Variants in PDE9A observed in about 807,000 individuals in gnomAD.
PDE9A encodes the protein high affinity cGMP-specific 3',5'-cyclic phosphodiesterase 9A.
Under a neutral mutation model 87.4 loss-of-function variants are expected in PDE9A, and 60 were observed. The ratio of observed to expected loss-of-function variants is 0.69; its 90% CI spans 0.56 to 0.85. The LOEUF (loss-of-function observed/expected upper bound fraction) is 0.85. Among genes scored for constraint, PDE9A ranks in the 40% least tolerant of loss-of-function variants. The pLI is 0.00. For missense variants in PDE9A, 665 were observed against 779.0 expected (o/e 0.85, Z 1.74); for synonymous variants, 272 against 279.4 (o/e 0.97, Z 0.27).
chr21:42,660,780 G>T lies in PDE9A; in HGVS notation c.69+6897G>T, dbSNP rs558872622. Among the ~76,000 whole-genome samples, 1 of 152,236 alleles carries T rather than the reference G, an allele frequency of 6.6e-6. No homozygotes were observed. The highest frequency in any genetic ancestry group is 2.1e-4 in the South Asian group (1 of 4,810). On this transcript the variant is annotated intron_variant, in intron 1 of 19. Transcript: ENST00000291539. This position sits in a 1 kb window ranked among gnomAD's most constrained non-coding sequence, Gnocchi z 4.7. ...GACGCCCAGTGCACTCAGCCACCCA[G>T]GGGTGGCTCCCAACATTTTCAAGCT...
chr21:42,731,992 G>C (rs373627558), intron 5 of PDE9A, 43 bp downstream of exon 5: 1 of 1,611,754 alleles, frequency 6.2e-7, no homozygotes, highest in Non-Finnish European at 8.5e-7. Flanking sequence ...CCCCCAACAC[G>C]TGGGATTCGG....
chr21:42,666,978 C>G (rs914600154), intron 1 of PDE9A, among the ~76,000 whole-genome samples: 2 of 152,326 alleles, frequency 1.3e-5, no homozygotes, highest in Non-Finnish European at 1.5e-5. Context: ...TGGTGACCGC[C>G]GACTCGCCCT....
At chr21:42,690,025 G>A (rs4305355) in intron 3 of PDE9A, 6 of 966,458 alleles carry the variant, frequency 6.2e-6, no homozygotes, top group South Asian at 4.9e-5. Context: ...GGTGAAGAAG[G>A]TGGAGACAGA....
intron 1 of PDE9A, among the ~76,000 whole-genome samples, chr21:42,658,582 C>T (rs1341218093): frequency 6.6e-6 from 1 of 152,230 alleles, no homozygotes; most frequent in Admixed American, 6.5e-5. Flanking sequence ...CCCACACGCG[C>T]AGTGCCCTTT....
chr21:42,739,897 T>G lies in PDE9A; in HGVS notation c.569-3879T>G, dbSNP rs1015441351. 2.0e-5 allele frequency among the ~76,000 whole-genome samples: 3 copies of G among 152,104 alleles called. No individual in the cohort carries two copies. Among genetic ancestry groups the G allele is most frequent in the African/African-American group, 7.2e-5 (3 of 41,410 alleles). Reference sequence around the variant, plus strand: ...TGGTATTTATTTATCCTGCTCAGTATGATAAATAGCATTTTCCTCGGGGGA... The same window carrying G: ...TGGTATTTATTTATCCTGCTCAGTAGGATAAATAGCATTTTCCTCGGGGGA... On this transcript the variant is annotated intron_variant, in intron 7 of 19. Coordinates refer to ENST00000291539, the MANE Select transcript of PDE9A (RefSeq NM_002606.3). This position sits in a 1 kb window ranked among gnomAD's most constrained non-coding sequence, Gnocchi z 4.1.
At chr21:42,670,173 GCACACATACACTTA>G (rs1456470647) in intron 1 of PDE9A, among the ~76,000 whole-genome samples, 11 of 138,900 alleles carry the variant, frequency 7.9e-5, no homozygotes, top group Non-Finnish European at 1.5e-4. Context: ...ACATTCACAC[GCACACATACACTTA>G]CACACATTCA....
chr21:42,738,346 G>A (rs2052696435), intron 7 of PDE9A, among the ~76,000 whole-genome samples: 1 of 152,236 alleles, frequency 6.6e-6, no homozygotes, highest in South Asian at 2.1e-4. Flanking sequence ...AGGAAGTGTT[G>A]AAACACAACT....
At chr21:42,689,534 A>G (rs181273491) in intron 3 of PDE9A, 1 of 985,486 alleles carries the variant, frequency 1.0e-6, no homozygotes, top group East Asian at 1.1e-4. Flanking sequence ...GGGACCTCAC[A>G]GAAACCAGCA....
intron 6 of PDE9A, 58 bp downstream of exon 6, chr21:42,732,182 C>A: frequency 6.6e-7 from 1 of 1,512,868 alleles, no homozygotes; most frequent in Non-Finnish European, 9.1e-7. Context: ...TCTCTAAGAG[C>A]GAGGGCAGGC....
At chr21:42,717,678 C>A (rs1052036550) in intron 4 of PDE9A, among the ~76,000 whole-genome samples, 1 of 151,326 alleles carries the variant, frequency 6.6e-6, no homozygotes, top group Non-Finnish European at 1.5e-5. Context: ...AGGCGTGAAC[C>A]ACCGTGCCCA....
intron 1 of PDE9A, among the ~76,000 whole-genome samples, chr21:42,670,062 T>C (rs1333711210): frequency 6.6e-6 from 1 of 151,708 alleles, no homozygotes; most frequent in Non-Finnish European, 1.5e-5. Context: ...CACTTACACA[T>C]TCACACACTC....
chr21:42,761,121 C>T (rs1365126462), intron 13 of PDE9A, among the ~76,000 whole-genome samples: 1 of 152,206 alleles, frequency 6.6e-6, no homozygotes, highest in African/African-American at 2.4e-5. Flanking sequence ...GATTATCAAA[C>T]CCCAGGGGCT....
chr21:42,710,819 C>T (rs2049263718), intron 4 of PDE9A, among the ~76,000 whole-genome samples: 1 of 152,122 alleles, frequency 6.6e-6, no homozygotes, highest in African/African-American at 2.4e-5. Context: ...GAAACCTCCT[C>T]TCTACTAAAA....
intron 4 of PDE9A, among the ~76,000 whole-genome samples, chr21:42,715,344 C>T (rs1261789374): frequency 6.6e-6 from 1 of 152,026 alleles, no homozygotes; most frequent in Non-Finnish European, 1.5e-5. Context: ...ATATTGGTTA[C>T]AGCCGGGCGC....
intron 1 of PDE9A, among the ~76,000 whole-genome samples, chr21:42,656,333 T>C (rs546801635): frequency 5.3e-5 from 8 of 152,352 alleles, no homozygotes; most frequent in African/African-American, 1.9e-4. Flanking sequence ...TCTCTGCTCT[T>C]TGTCCCTCTG....
chr21:42,675,928 G>A lies in PDE9A; in HGVS notation c.70-10264G>A, dbSNP rs112118588. 2.0e-5 allele frequency among the ~76,000 whole-genome samples: 3 copies of A among 152,272 alleles called. No individual in the cohort carries two copies. Among genetic ancestry groups the A allele is most frequent in the Admixed American group, 6.5e-5 (1 of 15,302 alleles). On this transcript the variant is annotated intron_variant, in intron 1 of 19. Coordinates refer to ENST00000291539, the MANE Select transcript of PDE9A (RefSeq NM_002606.3). This position sits in a 1 kb window ranked among gnomAD's most constrained non-coding sequence, Gnocchi z 4.3. ...GGGCCTGGTGGGAGGTGACTGGATC[G>A]TGGGGTGGGTTTCTCACAAATGGTT...
In PDE9A at chr21:42,722,271, C is replaced by T. The variant is rs545989351; in HGVS notation, c.263-9499C>T. 8.5e-5 allele frequency among the ~76,000 whole-genome samples: 13 copies of T among 152,222 alleles called. No homozygotes were observed. Among genetic ancestry groups the T allele is most frequent in the African/African-American group, 2.9e-4 (12 of 41,526 alleles). The stretch of plus-strand genomic sequence containing the variant: ...GATTACAGGCGTGAGCCACCATGCC[C>T]GTCCAGCAGAGGTATTTTTTCTAAT... On this transcript the variant is annotated intron_variant, in intron 4 of 19. Coordinates refer to ENST00000291539, the MANE Select transcript of PDE9A (RefSeq NM_002606.3). This position sits in a 1 kb window ranked among gnomAD's most constrained non-coding sequence, Gnocchi z 4.1.
intron 7 of PDE9A, chr21:42,734,661 C>T (rs2052203127): frequency 6.6e-6 from 1 of 152,268 alleles, no homozygotes; most frequent in African/African-American, 2.4e-5. Context: ...CAACCTTCGC[C>T]TCCTGGGTTC....
chr21:42,676,411 A>G (rs1326656959), intron 1 of PDE9A, among the ~76,000 whole-genome samples: 1 of 152,040 alleles, frequency 6.6e-6, no homozygotes, highest in Non-Finnish European at 1.5e-5. Flanking sequence ...ACCTGCACCC[A>G]TTTCCAACAC....
Sources: gnomAD v4.1 joint callset for allele counts (sites outside exome capture counted in the v4.1 genomes callset) on GRCh38, gnomAD v4.1.1 for gene constraint, Gnocchi (gnomAD v3.1) non-coding constraint, MANE v1.5 for transcripts, NCBI Gene and HGNC (gene_info 2026-07-23, HGNC 2026-07-21) for gene names.